Variants in EIF6 observed in about 807,000 individuals in gnomAD.
The protein encoded by EIF6 is B4 integrin interactor.
Under a neutral mutation model 25.5 loss-of-function variants are expected in EIF6, and 10 were observed. That is an observed-to-expected ratio of 0.39 (90% CI 0.24 to 0.66). The LOEUF is 0.66. EIF6 is among the 30% of genes least tolerant of loss of function. EIF6 has a pLI of 0.45. For missense variants in EIF6, 246 were observed against 315.4 expected (o/e 0.78, Z 1.67); for synonymous variants, 122 against 122.6 (o/e 1.00, Z 0.03).
In EIF6 at chr20:35,280,656, T is replaced by C; in HGVS notation, c.367A>G (p.Arg123Gly). The C allele has an allele frequency of 1.2e-6, 2 of 1,613,068 alleles. No individual in the cohort carries two copies. The highest frequency in any genetic ancestry group is 1.7e-6 in the Non-Finnish European group (2 of 1,179,572). Reference protein sequence around the residue: ...YVALVHPDLDRETEEILADVL... With the variant: ...YVALVHPDLDGETEEILADVL... ...TGGGTCAAGTTGGGCTGCCTCACCC[T>C]GTCCAAGTCTGGGTGGACCAAGGCC... The change falls in exon 4 of 7, where the codon AGG (arginine) becomes GGG (glycine). Residue 123 changes from arginine to glycine, a missense_variant and splice_region_variant. Physicochemically the swap from Arg to Gly is moderately radical, Grantham distance 125 (BLOSUM62 -2). Coordinates refer to ENST00000374450, the MANE Select transcript of EIF6 (RefSeq NM_002212.4).
chr20:35,283,029 C>G (rs887408604), intron 3 of EIF6, among the ~76,000 whole-genome samples: 1 of 152,188 alleles, frequency 6.6e-6, no homozygotes, highest in African/African-American at 2.4e-5. Flanking sequence ...CAGTGGCTCA[C>G]GCCTGTAATC....
chr20:35,279,153 C>A lies in EIF6; in HGVS notation c.*44G>T. 1 of 1,613,652 alleles carries A rather than the reference C, an allele frequency of 6.2e-7. No homozygotes were observed. Among genetic ancestry groups the A allele is most frequent in the South Asian group, 1.1e-5 (1 of 91,014 alleles). On this transcript the variant is annotated 3_prime_UTR_variant, in exon 7 of 7. Coordinates refer to ENST00000374450, the MANE Select transcript of EIF6 (RefSeq NM_002212.4). ...TGGGCGGAATGTGGAGAAGGTTGGCCACAGTCCAGAGCCAGGAGCCCATGG... is the reference window on the plus strand; with the variant it reads ...TGGGCGGAATGTGGAGAAGGTTGGCAACAGTCCAGAGCCAGGAGCCCATGG...
At chr20:35,283,273 C>T (rs906152096) in intron 3 of EIF6, among the ~76,000 whole-genome samples, 2 of 148,570 alleles carry the variant, frequency 1.3e-5, no homozygotes, top group Non-Finnish European at 3.0e-5. Flanking sequence ...GCAACAAGAG[C>T]GAAAACTCCA....
intron 3 of EIF6, among the ~76,000 whole-genome samples, 171 bp from the exon 4 acceptor site, chr20:35,281,000 C>T (rs2060770101): frequency 6.6e-6 from 1 of 152,170 alleles, no homozygotes; most frequent in African/African-American, 2.4e-5. Context: ...AGAGACCACC[C>T]AGGAATCCCA....
intron 3 of EIF6, among the ~76,000 whole-genome samples, chr20:35,282,116 G>C (rs892485109): frequency 1.8e-4 from 27 of 151,406 alleles, no homozygotes; most frequent in Non-Finnish European, 2.9e-4. Flanking sequence ...AACCTCCCAA[G>C]TAGCTGGGAC....
chr20:35,280,060 G>A lies in EIF6; in HGVS notation c.428C>T (p.Ala143Val), dbSNP rs768049543. The change falls in exon 5 of 7, where the codon GCC becomes GTC. Residue 143 changes from alanine (A) to valine (V), a missense_variant. Transcript: ENST00000374450. ...GTAGCTTCCTACTAGCACCTGGTCGGCCACTGTCTGTCTGAAGACTTCCAC... is the reference window on the plus strand; with the variant it reads ...GTAGCTTCCTACTAGCACCTGGTCGACCACTGTCTGTCTGAAGACTTCCAC... ...LKVEVFRQTV[A>V]DQVLVGSYCV... The A allele has an allele frequency of 1.2e-5, 19 of 1,614,060 alleles. 1 individual carries two copies. The South Asian group carries it at 2.0e-4, about 17-fold the overall frequency.
intron 3 of EIF6, among the ~76,000 whole-genome samples, chr20:35,283,137 C>CA (rs1473828211): frequency 1.3e-5 from 2 of 151,718 alleles, no homozygotes; most frequent in Non-Finnish European, 1.5e-5. Context: ...ACTAAAAATA[C>CA]AAAAAAATTA....
chr20:35,279,867 A>T, intron 5 of EIF6, 75 bp downstream of exon 5: 1 of 1,587,784 alleles, frequency 6.3e-7, no homozygotes, highest in Non-Finnish European at 8.6e-7. Flanking sequence ...TGTGGCAGGT[A>T]ATGACCCAGA....
chr20:35,280,749 C>G lies in EIF6; in HGVS notation c.274G>C (p.Val92Leu). Reference protein sequence around the residue: ...QHIRNSLPDTVQIRRVEERLS... With the variant: ...QHIRNSLPDTLQIRRVEERLS... ...CGCTCCTCCACCCGCCTAATCTGCA[C>G]TGTGTCTGGGAGGCTGTTGCGAATG... is the stretch of plus-strand genomic sequence containing the variant. The change falls in exon 4 of 7, where the codon GTG (valine) becomes CTG (leucine). Residue 92 changes from valine to leucine, a missense_variant. Physicochemically the swap from Val to Leu is conservative, Grantham distance 32 (BLOSUM62 1). Coordinates refer to ENST00000374450, the MANE Select transcript of EIF6 (RefSeq NM_002212.4). The G allele has an allele frequency of 6.2e-7, 1 of 1,614,150 alleles. No individual in the cohort carries two copies. Among genetic ancestry groups the G allele is most frequent in the Non-Finnish European group, 8.5e-7 (1 of 1,180,020 alleles).
intron 3 of EIF6, among the ~76,000 whole-genome samples, chr20:35,281,103 G>A (rs982315318): frequency 5.9e-5 from 9 of 152,176 alleles, no homozygotes; most frequent in Admixed American, 1.3e-4. Flanking sequence ...CTGAGCTGCC[G>A]GGCGTGTTGG....
intron 5 of EIF6, 49 bp from the exon 6 acceptor site, chr20:35,279,796 T>TCCTCAATGAAGACTCTCCCC (rs1194668414): frequency 6.2e-7 from 1 of 1,607,636 alleles, no homozygotes; most frequent in Non-Finnish European, 8.5e-7. Context: ...ATTCTCTCCC[T>TCCTCAATGAAGACTCTCCCC]CCTCAATGAA....
At chr20:35,283,880 T>A (rs1372020635) in intron 3 of EIF6, among the ~76,000 whole-genome samples, 1 of 152,022 alleles carries the variant, frequency 6.6e-6, no homozygotes, top group Non-Finnish European at 1.5e-5. Context: ...TTAGGTCAAG[T>A]CTCAACTTCC....
At chr20:35,281,914 C>T (rs535844099) in intron 3 of EIF6, among the ~76,000 whole-genome samples, 5 of 152,088 alleles carry the variant, frequency 3.3e-5, no homozygotes, top group Non-Finnish European at 7.4e-5. Flanking sequence ...GTGACTCTGC[C>T]ATGCCACTCT....
chr20:35,280,869 C>T, intron 3 of EIF6, 40 bp from the exon 4 acceptor site: 1 of 1,604,502 alleles, frequency 6.2e-7, no homozygotes, highest in South Asian at 1.1e-5. Flanking sequence ...CACAAGATGC[C>T]TGCTGAGCCC....
chr20:35,282,578 CTTAAGTT>C (rs2060785215), intron 3 of EIF6, among the ~76,000 whole-genome samples: 1 of 151,938 alleles, frequency 6.6e-6, no homozygotes, highest in Admixed American at 6.5e-5. Flanking sequence ...GGTCACTAGG[CTTAAGTT>C]TTTGTTGTTG....
rs2060802297 is a variant in EIF6 at position 35,284,216 on chromosome 20, C to T, written c.153G>A (p.Ala51=). The T allele has an allele frequency of 6.2e-7, 1 of 1,604,960 alleles. No individual in the cohort carries two copies. The change falls in exon 3 of 7, where the codon GCG becomes GCA. Residue 51 remains alanine (A), a synonymous_variant. Transcript: ENST00000374450. ...ELSDTIPVVH[A]SIAGCRIIGR... is the part of the protein sequence containing the mutation. ...CGATGATGCGGCAGCCGGCGATAGA[C>T]GCGTGCACCACGGGGATGGTATCGG...
chr20:35,282,595 GTTGTTTT>G (rs538289828), intron 3 of EIF6, among the ~76,000 whole-genome samples: 72 of 151,872 alleles, frequency 4.7e-4, no homozygotes, highest in Middle Eastern at 3.4e-3. Context: ...TTTTGTTGTT[GTTGTTTT>G]TTGTTTTTTG....
chr20:35,283,235 A>G (rs1045603130), intron 3 of EIF6, among the ~76,000 whole-genome samples: 2 of 152,138 alleles, frequency 1.3e-5, no homozygotes, highest in African/African-American at 4.8e-5. Flanking sequence ...GCAGTGAGCC[A>G]AGATCGTGCC....
chr20:35,283,658 G>A (rs572835045), intron 3 of EIF6, among the ~76,000 whole-genome samples: 2 of 152,286 alleles, frequency 1.3e-5, no homozygotes, highest in East Asian at 3.9e-4. Context: ...AAATTAGCCA[G>A]GTGTGGTGGC....
Sources: allele counts gnomAD v4.1 joint callset (sites outside exome capture counted in the v4.1 genomes callset), GRCh38; gene constraint gnomAD v4.1.1; transcripts MANE v1.5; gene names NCBI Gene and HGNC (gene_info 2026-07-23, HGNC 2026-07-21).